Variants in ZNRF3 observed in about 807,000 individuals in gnomAD.
ZNRF3 encodes E3 ubiquitin-protein ligase ZNRF3.
ZNRF3 carries 23 observed loss-of-function variants against 72.5 expected under a neutral mutation model. The observed-to-expected ratio is 0.32, with a 90% CI of 0.23 to 0.45. ZNRF3 has a LOEUF of 0.45. ZNRF3 is among the 20% of genes least tolerant of loss of function. ZNRF3 has a pLI of 1.00. For missense variants in ZNRF3, 1,169 were observed against 1,272.1 expected (o/e 0.92, Z 1.23); for synonymous variants, 610 against 545.3 (o/e 1.12, Z -1.65).
intron 2 of ZNRF3, among the ~76,000 whole-genome samples, chr22:29,020,071 C>T (rs1035654979): frequency 1.3e-5 from 2 of 151,510 alleles, no homozygotes; most frequent in South Asian, 2.1e-4. Flanking sequence ...TATAAAATGG[C>T]GGTAGTATTT....
intron 1 of ZNRF3, among the ~76,000 whole-genome samples, chr22:28,886,437 C>T (rs921586999): frequency 6.6e-6 from 1 of 152,212 alleles, no homozygotes; most frequent in Non-Finnish European, 1.5e-5. Context: ...CTTTTATTTA[C>T]TGTCTTTAAA....
chr22:28,970,083 CT>C (rs2035541586), intron 1 of ZNRF3, among the ~76,000 whole-genome samples: 1 of 152,158 alleles, frequency 6.6e-6, no homozygotes, highest in Admixed American at 6.5e-5. Context: ...ATTAGCCCTT[CT>C]TACCCGACTA....
At chr22:28,888,432 A>C (rs372971295) in intron 1 of ZNRF3, among the ~76,000 whole-genome samples, 1 of 152,204 alleles carries the variant, frequency 6.6e-6, no homozygotes, top group African/African-American at 2.4e-5. Flanking sequence ...GGGATTGCCT[A>C]CTGTCTTCTC....
At chr22:28,918,992 G>A (rs1181716868) in intron 1 of ZNRF3, among the ~76,000 whole-genome samples, 2 of 152,212 alleles carry the variant, frequency 1.3e-5, no homozygotes, top group East Asian at 3.8e-4. Flanking sequence ...AGCAGAAATG[G>A]CATTTAGGAT....
At chr22:28,899,658 G>A (rs2034067018) in intron 1 of ZNRF3, among the ~76,000 whole-genome samples, 1 of 150,772 alleles carries the variant, frequency 6.6e-6, no homozygotes, top group Non-Finnish European at 1.5e-5. Flanking sequence ...CAGATAGCAT[G>A]AGTTAATTTT....
chr22:28,887,088 C>A (rs2033801974), intron 1 of ZNRF3, among the ~76,000 whole-genome samples: 2 of 152,228 alleles, frequency 1.3e-5, no homozygotes, highest in South Asian at 4.1e-4. Context: ...CACTGGGGTT[C>A]TGTAGCAGTT....
intron 1 of ZNRF3, among the ~76,000 whole-genome samples, chr22:28,970,505 C>A (rs1308526577): frequency 1.3e-5 from 2 of 152,116 alleles, no homozygotes; most frequent in East Asian, 3.8e-4. Flanking sequence ...GTATTCCACC[C>A]GTAGGTATTT....
At chr22:28,924,592 C>G (rs2034567597) in intron 1 of ZNRF3, among the ~76,000 whole-genome samples, 1 of 152,064 alleles carries the variant, frequency 6.6e-6, no homozygotes, top group Admixed American at 6.6e-5. Flanking sequence ...AAAAATTTAG[C>G]TGGCTGTGGT....
At chr22:28,886,348 G>A (rs1431264595) in intron 1 of ZNRF3, among the ~76,000 whole-genome samples, 1 of 152,244 alleles carries the variant, frequency 6.6e-6, no homozygotes, top group Non-Finnish European at 1.5e-5. Context: ...GGTGAGAAAT[G>A]AGAAAGCAGA....
At chr22:28,884,352 TG>T (rs1176380102) in intron 1 of ZNRF3, among the ~76,000 whole-genome samples, 2 of 152,160 alleles carry the variant, frequency 1.3e-5, no homozygotes, top group African/African-American at 2.4e-5. Context: ...CTTGGCCGGT[TG>T]GGTATTTAGG....
At position 29,049,555 on chromosome 22, in the gene ZNRF3, G is replaced by A. The variant is rs749850945; in HGVS notation, c.1374G>A (p.Lys458=). ...RPKLSGRSFS[K]AACFSQYETM... ...AGTTGAGTGGCCGCAGCTTCTCCAA[G>A]GCAGCTTGCTTCTCCCAGTATGAGA... is the stretch of plus-strand genomic sequence containing the variant. Residue 458 remains lysine, a synonymous_variant, in exon 8 of 9, where the codon AAG becomes AAA. Coordinates refer to ENST00000544604, the MANE Select transcript of ZNRF3 (RefSeq NM_001206998.2). The surrounding 1 kb of genome is among the most constrained non-coding windows in gnomAD (Gnocchi z 5.2). The A allele has an allele frequency of 2.2e-5, 35 of 1,604,690 alleles. No homozygotes were observed. The African/African-American group carries it at 4.1e-4, about 19-fold the overall frequency.
At chr22:28,918,415 A>G (rs1346251012) in intron 1 of ZNRF3, among the ~76,000 whole-genome samples, 1 of 152,164 alleles carries the variant, frequency 6.6e-6, no homozygotes, top group African/African-American at 2.4e-5. Context: ...CGTAACCTAT[A>G]GAGCTGAGTG....
At chr22:28,917,493 A>T in intron 1 of ZNRF3, 1 of 972,018 alleles carries the variant, frequency 1.0e-6, no homozygotes, top group Non-Finnish European at 1.2e-6. Flanking sequence ...TAACTGAAGA[A>T]TGTTAAATCT....
At chr22:29,021,490 CT>C (rs5844830) in intron 2 of ZNRF3, among the ~76,000 whole-genome samples, 62,069 of 144,078 alleles carry the variant, frequency 0.43, 13,304 homozygotes, top group Non-Finnish European at 0.49. Flanking sequence ...TTGTTTTAAT[CT>C]TTTTTTTTTT....
At chr22:28,896,643 G>T (rs1464458654) in intron 1 of ZNRF3, among the ~76,000 whole-genome samples, 3 of 152,198 alleles carry the variant, frequency 2.0e-5, no homozygotes, top group Non-Finnish European at 4.4e-5. Flanking sequence ...ACCTTTATGG[G>T]ATTTCTGGAA....
intron 2 of ZNRF3, among the ~76,000 whole-genome samples, chr22:29,013,533 C>T (rs2036380953): frequency 6.6e-6 from 1 of 152,166 alleles, no homozygotes; most frequent in Admixed American, 6.5e-5. Flanking sequence ...GGAACATGTG[C>T]TGATTAAATG....
At chr22:28,946,872 G>A (rs1007042835) in intron 1 of ZNRF3, among the ~76,000 whole-genome samples, 1 of 152,144 alleles carries the variant, frequency 6.6e-6, no homozygotes, top group Non-Finnish European at 1.5e-5. Context: ...GAGGTGAGTA[G>A]CTATGAGATC....
At position 29,050,072 on chromosome 22, in the gene ZNRF3, G is replaced by A. The variant is rs1288289032; in HGVS notation, c.1891G>A (p.Glu631Lys). 10 of 1,607,450 alleles carry A rather than the reference G, an allele frequency of 6.2e-6. No individual in the cohort carries two copies. The highest frequency in any genetic ancestry group is 1.1e-5 in the South Asian group (1 of 90,780). Residue 631 changes from glutamate (E) to lysine (K), a missense_variant, in exon 8 of 9, where the codon GAG (glutamate) becomes AAG (lysine). By Grantham distance (56) the Glu-to-Lys change is moderately conservative. Around this residue, in one of 2 missense-constraint regions of ZNRF3, gnomAD observed 783 missense variants for 731.4 expected, o/e 1.07. Transcript: ENST00000544604. Reference protein sequence around the residue: ...ALCFEGSPPPEELPAVHSHGA... With the variant: ...ALCFEGSPPPKELPAVHSHGA... ...GTGCTTCGAGGGCTCCCCGCCTCCC[G>A]AGGAGCTCCCGGCGGTGCACAGTCA...
chr22:28,976,846 T>TA (rs964982341), intron 1 of ZNRF3, among the ~76,000 whole-genome samples: 4 of 151,918 alleles, frequency 2.6e-5, no homozygotes, highest in South Asian at 2.1e-4. Context: ...ACTGGATACT[T>TA]AAAAAAAAAT....
Sources: gnomAD v4.1 joint callset for allele counts (sites outside exome capture counted in the v4.1 genomes callset) on GRCh38, gnomAD v4.1.1 for gene constraint, gnomAD v4.1.1 regional missense constraint, Gnocchi (gnomAD v3.1) non-coding constraint, MANE v1.5 for transcripts, NCBI Gene and HGNC (gene_info 2026-07-23, HGNC 2026-07-21) for gene names.